Variants in MFAP3 observed in about 807,000 individuals in gnomAD.
MFAP3 encodes microfibril associated protein 3.
MFAP3 carries 8 observed loss-of-function variants against 20.5 expected under a neutral mutation model. That is an observed-to-expected ratio of 0.39 (90% confidence interval 0.23 to 0.70). The LOEUF is 0.70. Among genes scored for constraint, MFAP3 ranks in the 30% least tolerant of loss-of-function variants. The probability of loss-of-function intolerance (pLI) is 0.44; values close to 1 mark genes in which losing one functional copy is unlikely to be tolerated. For missense variants in MFAP3, 398 were observed against 444.6 expected (o/e 0.90, Z 0.94); for synonymous variants, 140 against 154.0 (o/e 0.91, Z 0.67).
In MFAP3 at chr5:154,049,702, A is replaced by T; in HGVS notation, c.-21A>T. 1.2e-6 allele frequency: 2 copies of T among 1,600,218 alleles called. No homozygotes were observed. ...GTTTTTGAGTTCTCCAAATCTAAAC[A>T]AGATTTTGTCCCATTTTCCCATGAA... On this transcript the variant is annotated 5_prime_UTR_variant, in exon 2 of 3. Transcript: ENST00000522782.
At position 154,056,767 on chromosome 5, in the gene MFAP3, T is replaced by C. The variant is rs1326184845; in HGVS notation, c.*3054T>C. Among the ~76,000 whole-genome samples, 3 of 152,196 alleles carry C rather than the reference T, an allele frequency of 2.0e-5. No individual in the cohort carries two copies. Among genetic ancestry groups the C allele is most frequent in the African/African-American group, 7.2e-5 (3 of 41,466 alleles). ...TGATGCCCCACTTGAGTTTATAGACTGTTTGATAACTGCCTGTCCTCCAAA... is the reference window on the plus strand; with the variant it reads ...TGATGCCCCACTTGAGTTTATAGACCGTTTGATAACTGCCTGTCCTCCAAA... On this transcript the variant is annotated 3_prime_UTR_variant, in exon 3 of 3. Coordinates refer to ENST00000522782, the MANE Select transcript of MFAP3 (RefSeq NM_005927.5).
In MFAP3 at chr5:154,053,039, C is replaced by T. The variant is rs1200015734; in HGVS notation, c.415C>T (p.Arg139Cys). ...TCGTGCCTCCTACTCTGTCACCCTA[C>T]GTGTTATCTTCACCTCGGGAGACAT... is the stretch of plus-strand genomic sequence containing the variant. ...PIRASYSVTL[R>C]VIFTSGDMSV... Residue 139 changes from arginine (R) to cysteine (C), a missense_variant, in exon 3 of 3, where the codon CGT becomes TGT. Coordinates refer to ENST00000522782, the MANE Select transcript of MFAP3 (RefSeq NM_005927.5). 8.7e-6 allele frequency: 14 copies of T among 1,613,808 alleles called. No individual in the cohort carries two copies. Among genetic ancestry groups the T allele is most frequent in the East Asian group, 2.2e-5 (1 of 44,872 alleles).
At chr5:154,043,412 G>T (rs861631) in intron 1 of MFAP3, among the ~76,000 whole-genome samples, 1 of 151,656 alleles carries the variant, frequency 6.6e-6, no homozygotes, top group African/African-American at 2.4e-5. Flanking sequence ...TTAGCCAGGC[G>T]TGGTGGTGCA....
intron 1 of MFAP3, among the ~76,000 whole-genome samples, chr5:154,045,332 T>G (rs1387489590): frequency 6.6e-6 from 1 of 152,188 alleles, no homozygotes; most frequent in Non-Finnish European, 1.5e-5. Context: ...ACACATACAA[T>G]GTCATATCAT....
intron 2 of MFAP3, among the ~76,000 whole-genome samples, chr5:154,052,331 T>C (rs563504779): frequency 2.6e-4 from 40 of 151,902 alleles, no homozygotes; most frequent in African/African-American, 9.7e-4. Context: ...AAAATTGATA[T>C]GTGCAAGGCA....
At chr5:154,043,118 G>A (rs1431096638) in intron 1 of MFAP3, among the ~76,000 whole-genome samples, 1 of 152,046 alleles carries the variant, frequency 6.6e-6, no homozygotes, top group Non-Finnish European at 1.5e-5. Flanking sequence ...TGGTTTTCTG[G>A]GGTAAAATCA....
intron 1 of MFAP3, among the ~76,000 whole-genome samples, chr5:154,042,359 C>T (rs1399845650): frequency 6.6e-6 from 1 of 152,146 alleles, no homozygotes; most frequent in South Asian, 2.1e-4. Context: ...TAAAGCAAAG[C>T]TCTGATAAAT....
Position 154,053,608 on chromosome 5 carries a change from T to C in MFAP3, c.984T>C (p.Asp328=). ...VHLQSETKSI[D]TESQGSSHFS... ...TTCAGTCAGAAACCAAAAGTATTGATACAGAGTCTCAAGGCAGCAGTCATT... is the reference window on the plus strand; with the variant it reads ...TTCAGTCAGAAACCAAAAGTATTGACACAGAGTCTCAAGGCAGCAGTCATT... The change falls in exon 3 of 3, where the codon GAT becomes GAC. Residue 328 remains aspartate (D), a synonymous_variant. Coordinates refer to ENST00000522782, the MANE Select transcript of MFAP3 (RefSeq NM_005927.5). 6.2e-7 allele frequency: 1 copy of C among 1,613,958 alleles called. No homozygotes were observed. Among genetic ancestry groups the C allele is most frequent in the Non-Finnish European group, 8.5e-7 (1 of 1,179,894 alleles).
rs707180 is a variant in MFAP3, at chr5:154,041,101, G to A, written c.-167+2090G>A. On this transcript the variant is annotated intron_variant, in intron 1 of 2. Coordinates refer to ENST00000522782, the MANE Select transcript of MFAP3 (RefSeq NM_005927.5). ...GAAAACTGATAAGTCTTATAATGGCGTACTCTTAATGTGCTAGGGGACTGA... is the reference window on the plus strand; with the variant it reads ...GAAAACTGATAAGTCTTATAATGGCATACTCTTAATGTGCTAGGGGACTGA... Among the ~76,000 whole-genome samples the A allele has an allele frequency of 4.6e-3, 693 of 151,084 alleles. 4 individuals carry two copies. The highest frequency in any genetic ancestry group is 7.0e-3 in the Non-Finnish European group (478 of 67,854).
intron 1 of MFAP3, among the ~76,000 whole-genome samples, chr5:154,043,942 G>A (rs972979174): frequency 6.6e-6 from 1 of 152,116 alleles, no homozygotes; most frequent in East Asian, 1.9e-4. Context: ...AAGCATGCAG[G>A]CCTAATATTA....
Position 154,050,096 on chromosome 5 carries a change from A to T in MFAP3, c.295+79A>T, listed in dbSNP as rs1773153376. On this transcript the variant is annotated intron_variant, in intron 2 of 2. Coordinates refer to ENST00000522782, the MANE Select transcript of MFAP3 (RefSeq NM_005927.5). ...TTATTTTTTAACACGTTAAACAAAA[A>T]GTCTCAAAGATAAGGTGCCAAGGTG... 1.2e-5 allele frequency: 18 copies of T among 1,472,302 alleles called. No homozygotes were observed. In the East Asian group the frequency reaches 4.2e-4, roughly 34 times the overall value. 91.2% of individuals were successfully genotyped at this position (1,472,302 alleles called of 1,614,324 possible).
At chr5:154,040,977 C>T (rs1355651094) in intron 1 of MFAP3, among the ~76,000 whole-genome samples, 1 of 152,182 alleles carries the variant, frequency 6.6e-6, no homozygotes, top group Non-Finnish European at 1.5e-5. Context: ...ATTTTGAGCA[C>T]TTGCCACAGG....
chr5:154,047,567 A>G (rs973810780), intron 1 of MFAP3, among the ~76,000 whole-genome samples: 3 of 152,022 alleles, frequency 2.0e-5, no homozygotes, highest in African/African-American at 7.2e-5. Context: ...AAAGCCTTTC[A>G]GCAGGCAGTA....
intron 2 of MFAP3, among the ~76,000 whole-genome samples, chr5:154,050,634 T>G (rs10477089): frequency 2.6e-5 from 2 of 77,456 alleles, no homozygotes; most frequent in South Asian, 9.8e-4. Context: ...TTTTTTTTTG[T>G]ATTCTATACC....
At chr5:154,050,880 C>A (rs1773174708) in intron 2 of MFAP3, among the ~76,000 whole-genome samples, 2 of 151,910 alleles carry the variant, frequency 1.3e-5, no homozygotes, top group African/African-American at 4.8e-5. Flanking sequence ...CCATGAAAAG[C>A]CAAAGGGATG....
rs145723801 is a variant in MFAP3, at chr5:154,053,011, A to G, written c.387A>G (p.Pro129=). 12 of 1,613,712 alleles carry G rather than the reference A, an allele frequency of 7.4e-6. No individual in the cohort carries two copies. The African/African-American group carries it at 1.6e-4, about 22-fold the overall frequency. ...TCTATACCTGTTTCGTCACCTCTCCAATTCGTGCCTCCTACTCTGTCACCC... is the reference window on the plus strand; with the variant it reads ...TCTATACCTGTTTCGTCACCTCTCCGATTCGTGCCTCCTACTCTGTCACCC... ...RGLYTCFVTS[P]IRASYSVTLR... Residue 129 remains proline (P), a synonymous_variant, in exon 3 of 3, where the codon CCA becomes CCG. Transcript: ENST00000522782.
chr5:154,056,317 G>A lies in MFAP3; in HGVS notation c.*2604G>A, dbSNP rs115596508. 5.0e-3 allele frequency among the ~76,000 whole-genome samples: 764 copies of A among 152,282 alleles called. 7 individuals are homozygous for A. The highest frequency in any genetic ancestry group is 0.017 in the African/African-American group (725 of 41,560). ...ATGGTGCCATTGATGAGGAATTAAAGTAGGTCAAAATTTAATTGGAGTTGG... is the reference window on the plus strand; with the variant it reads ...ATGGTGCCATTGATGAGGAATTAAAATAGGTCAAAATTTAATTGGAGTTGG... On this transcript the variant is annotated 3_prime_UTR_variant, in exon 3 of 3. Coordinates refer to ENST00000522782, the MANE Select transcript of MFAP3 (RefSeq NM_005927.5).
In MFAP3 at chr5:154,053,753, C is replaced by A; in HGVS notation, c.*40C>A. 1 of 1,524,620 alleles carries A rather than the reference C, an allele frequency of 6.6e-7. No individual in the cohort carries two copies. The highest frequency in any genetic ancestry group is 8.8e-7 in the Non-Finnish European group (1 of 1,132,766). The allele number at this position is 1,524,620 out of a possible 1,614,324, so 94.4% of individuals were successfully genotyped here. A position where few individuals can be genotyped will look rare whatever the true frequency, so the allele number is the denominator to read the frequency against. Reference sequence around the variant, plus strand: ...ACCCAGTACCTACAAAATCAGCTCGCTCTCAGAAAAGGAACCTGTTTCTTA... The same window carrying A: ...ACCCAGTACCTACAAAATCAGCTCGATCTCAGAAAAGGAACCTGTTTCTTA... On this transcript the variant is annotated 3_prime_UTR_variant, in exon 3 of 3. Coordinates refer to ENST00000522782, the MANE Select transcript of MFAP3 (RefSeq NM_005927.5).
At chr5:154,039,426 G>A (rs1421928987) in intron 1 of MFAP3, 1 of 152,246 alleles carries the variant, frequency 6.6e-6, no homozygotes, top group African/African-American at 2.4e-5. Context: ...GCGTGCAAAG[G>A]CCATATAGTG....
Sources: gnomAD v4.1 joint callset for allele counts (sites outside exome capture counted in the v4.1 genomes callset) on GRCh38, gnomAD v4.1.1 for gene constraint, MANE v1.5 for transcripts, NCBI Gene and HGNC (gene_info 2026-07-23, HGNC 2026-07-21) for gene names.